Variants in MYO18B observed in about 807,000 individuals in gnomAD.
The protein encoded by MYO18B is unconventional myosin-XVIIIb.
A neutral mutation model predicts 273.0 loss-of-function variants in MYO18B; 204 were observed. The observed-to-expected ratio is 0.75, with a 90% CI of 0.67 to 0.84. The LOEUF is 0.84. Among genes scored for constraint, MYO18B ranks in the 40% least tolerant of loss-of-function variants. The probability of loss-of-function intolerance (pLI) is 0.00; values close to 1 mark genes in which losing one functional copy is unlikely to be tolerated. For missense variants in MYO18B, 3,212 were observed against 3,287.6 expected (o/e 0.98, Z 0.56); for synonymous variants, 1,330 against 1,305.7 (o/e 1.02, Z -0.40).
At chr22:25,822,171 T>G (rs2089306600) in intron 12 of MYO18B, among the ~76,000 whole-genome samples, 1 of 152,234 alleles carries the variant, frequency 6.6e-6, no homozygotes, top group Admixed American at 6.5e-5. Context: ...TGCTTGGCAT[T>G]CCTTTAACAC....
At chr22:26,007,590 C>G (rs570735457) in intron 42 of MYO18B, among the ~76,000 whole-genome samples, 1 of 152,164 alleles carries the variant, frequency 6.6e-6, no homozygotes, top group South Asian at 2.1e-4. Context: ...CCAGATCCTA[C>G]GACATTAAGC....
chr22:25,946,422 G>C (rs1424752438), intron 35 of MYO18B, among the ~76,000 whole-genome samples, 172 bp downstream of exon 35: 1 of 151,996 alleles, frequency 6.6e-6, no homozygotes, highest in Non-Finnish European at 1.5e-5. Flanking sequence ...TATGTGCTCA[G>C]CTCTGTAAGA....
chr22:25,769,987 G>A (rs2086659788), intron 4 of MYO18B, 123 bp from the exon 5 acceptor site: 2 of 1,006,754 alleles, frequency 2.0e-6, no homozygotes, highest in East Asian at 4.9e-5. Flanking sequence ...TCCCTCTCCT[G>A]TTCTCCCCCA....
chr22:25,788,181 G>A (rs2087483648), intron 11 of MYO18B, among the ~76,000 whole-genome samples: 1 of 152,186 alleles, frequency 6.6e-6, no homozygotes, highest in Admixed American at 6.5e-5. Context: ...TACCTGGCAG[G>A]TATCAAGAGA....
At position 25,876,310 on chromosome 22, in the gene MYO18B, C is replaced by A; in HGVS notation, c.4202C>A (p.Thr1401Asn). The A allele has an allele frequency of 6.2e-7, 1 of 1,612,728 alleles. No homozygotes were observed. Among genetic ancestry groups the A allele is most frequent in the African/African-American group, 1.3e-5 (1 of 75,040 alleles). ...LQPLLSATIG[T>N]EQLRAKEEEL... The stretch of plus-strand genomic sequence containing the variant: ...CCTCTACTTAGTGCCACCATTGGAA[C>A]TGAGCAGCTCCGAGCCAAGGAGGTC... The change falls in exon 24 of 44, where the codon ACT becomes AAT. Residue 1401 changes from threonine (T) to asparagine (N), a missense_variant. Thr to Asn is a moderately conservative substitution (Grantham distance 65). Transcript: ENST00000335473.
At chr22:25,833,665 G>C (rs933019082) in intron 16 of MYO18B, among the ~76,000 whole-genome samples, 4 of 152,166 alleles carry the variant, frequency 2.6e-5, no homozygotes, top group African/African-American at 9.7e-5. Flanking sequence ...GTGACCTTGG[G>C]CATGTTACTT....
At chr22:25,947,938 G>A (rs2146600249) in intron 36 of MYO18B, 110 bp downstream of exon 36, 3 of 754,672 alleles carry the variant, frequency 4.0e-6, no homozygotes, top group South Asian at 3.3e-5. Flanking sequence ...ACATCTTGGA[G>A]GGATAAGTGC....
intron 2 of MYO18B, among the ~76,000 whole-genome samples, chr22:25,761,657 C>A (rs560553740): frequency 1.3e-4 from 20 of 152,284 alleles, no homozygotes; most frequent in African/African-American, 4.8e-4. Context: ...TTCTAAGATG[C>A]CTGTTACTTC....
intron 27 of MYO18B, 91 bp downstream of exon 27, chr22:25,891,503 C>T: frequency 3.7e-6 from 3 of 806,332 alleles, no homozygotes; most frequent in Non-Finnish European, 4.1e-6. Context: ...TTTTTAGGTG[C>T]TAGATATTGC....
In MYO18B at chr22:25,939,739, C is replaced by T. The variant is rs772057088; in HGVS notation, c.5518-6398C>T. ...ACCATACCACATTTTTTGTACAGAGCGTCTGTAGTGGGCACTATTGTTTCC... is the reference window on the plus strand; with the variant it reads ...ACCATACCACATTTTTTGTACAGAGTGTCTGTAGTGGGCACTATTGTTTCC... On this transcript the variant is annotated intron_variant, in intron 34 of 43. Transcript: ENST00000335473. Among the ~76,000 whole-genome samples, 6 of 152,226 alleles carry T rather than the reference C, an allele frequency of 3.9e-5. No homozygotes were observed. The East Asian group carries it at 5.8e-4, about 15-fold the overall frequency.
intron 33 of MYO18B, among the ~76,000 whole-genome samples, chr22:25,915,641 T>C (rs2092249843): frequency 6.6e-6 from 1 of 152,228 alleles, no homozygotes; most frequent in Non-Finnish European, 1.5e-5. Flanking sequence ...TGTTTTATTA[T>C]TGAATATTAT....
chr22:25,871,425 C>A (rs2091041589), intron 22 of MYO18B, among the ~76,000 whole-genome samples: 1 of 152,174 alleles, frequency 6.6e-6, no homozygotes, highest in African/African-American at 2.4e-5. Flanking sequence ...GAATTAAACT[C>A]CTCTAATCTG....
chr22:25,909,597 C>A (rs1038900756), intron 32 of MYO18B, among the ~76,000 whole-genome samples: 2 of 152,180 alleles, frequency 1.3e-5, no homozygotes, highest in African/African-American at 4.8e-5. Context: ...TCTAAGAATG[C>A]CTCAAAGTAT....
At chr22:25,779,573 G>T (rs1056491363) in intron 8 of MYO18B, among the ~76,000 whole-genome samples, 1 of 152,214 alleles carries the variant, frequency 6.6e-6, no homozygotes, top group African/African-American at 2.4e-5. Flanking sequence ...GTGTCTGAGG[G>T]TGGAAGTCAG....
At chr22:25,941,975 T>G (rs2092649668) in intron 34 of MYO18B, among the ~76,000 whole-genome samples, 2 of 152,226 alleles carry the variant, frequency 1.3e-5, no homozygotes, top group Non-Finnish European at 2.9e-5. Context: ...AAAATGGAGT[T>G]AAAAATTCCC....
chr22:26,047,328 G>A, the MYO18B span, among the ~76,000 whole-genome samples: 10 of 152,050 alleles, frequency 6.6e-5, no homozygotes, highest in African/African-American at 9.6e-5. Flanking sequence ...GGGTTTCACC[G>A]TGTTAGCCAG....
chr22:25,795,788 T>C (rs1220182201), intron 11 of MYO18B, among the ~76,000 whole-genome samples: 1 of 152,184 alleles, frequency 6.6e-6, no homozygotes, highest in Non-Finnish European at 1.5e-5. Context: ...CACTGTATGC[T>C]TTGACGTCGT....
At chr22:25,823,711 G>C (rs2145892963) in intron 13 of MYO18B, 33 bp downstream of exon 13, 3 of 1,610,414 alleles carry the variant, frequency 1.9e-6, no homozygotes, top group South Asian at 2.2e-5. Flanking sequence ...GGTGAGCTGG[G>C]CCCCCCTCTG....
intron 1 of MYO18B, among the ~76,000 whole-genome samples, chr22:25,747,823 C>T (rs184294191): frequency 3.3e-5 from 5 of 152,120 alleles, no homozygotes; most frequent in South Asian, 2.1e-4. Context: ...CACAGGCCTA[C>T]GGAGCATCTA....
Sources: allele counts gnomAD v4.1 joint callset (sites outside exome capture counted in the v4.1 genomes callset), GRCh38; gene constraint gnomAD v4.1.1; transcripts MANE v1.5; gene names NCBI Gene and HGNC (gene_info 2026-07-23, HGNC 2026-07-21).